TRMT61A: variants seen among roughly 807,000 people sequenced by gnomAD.
TRMT61A encodes tRNA (adenine(58)-N(1))-methyltransferase catalytic subunit TRMT61A.
In TRMT61A, 15 loss-of-function variants were observed where a neutral mutation model predicts 21.3. That is an observed-to-expected ratio of 0.70 (90% CI 0.47 to 1.08). The LOEUF is 1.08. TRMT61A is among the 50% of genes least tolerant of loss of function. The pLI, the probability that TRMT61A is intolerant of heterozygous loss-of-function variation, is 0.00. For synonymous variants in TRMT61A, 183 were observed against 185.5 expected (o/e 0.99, Z 0.11); for missense variants, 352 against 426.7 (o/e 0.83, Z 1.54).
intron 1 of TRMT61A, 50 bp from the exon 2 acceptor site, chr14:103,529,899 GC>G (rs1185631826): frequency 1.4e-6 from 2 of 1,384,708 alleles, no homozygotes; most frequent in African/African-American, 1.4e-5. Context: ...TAGACCCTAG[GC>G]CCTCATCCTG....
rs193015454 is a variant in TRMT61A at position 103,529,665 on chromosome 14, G to T, written c.-29-285G>T. The stretch of plus-strand genomic sequence containing the variant: ...ATGGGAGGGTCGGGTCCTCACTCCG[G>T]GAATCCTTGGGACCGAACTCCGCCA... On this transcript the variant is annotated intron_variant, in intron 1 of 3. Transcript: ENST00000389749. Among the ~76,000 whole-genome samples, 100 of 152,368 alleles carry T rather than the reference G, an allele frequency of 6.6e-4. 1 individual carries two copies. Among genetic ancestry groups the T allele is most frequent in the African/African-American group, 2.2e-3 (92 of 41,592 alleles).
rs746280855 is a variant in TRMT61A, at chr14:103,534,897, G to A, written c.*76G>A. ...AGGGAGGCCAGAGGCACCTTATATGGTCAGCGATGCCTGCCAGACACAGAC... is the reference window on the plus strand; with the variant it reads ...AGGGAGGCCAGAGGCACCTTATATGATCAGCGATGCCTGCCAGACACAGAC... On this transcript the variant is annotated 3_prime_UTR_variant, in exon 4 of 4. Coordinates refer to ENST00000389749, the MANE Select transcript of TRMT61A (RefSeq NM_152307.3). 5.3e-6 allele frequency: 8 copies of A among 1,513,782 alleles called. No individual in the cohort carries two copies. In the South Asian group the frequency reaches 9.6e-5, roughly 18 times the overall value. 93.8% of individuals were successfully genotyped at this position (1,513,782 alleles called of 1,614,324 possible).
At position 103,531,180 on chromosome 14, in the gene TRMT61A, C is replaced by A. The variant is rs2142238983; in HGVS notation, c.331+871C>A. Among the ~76,000 whole-genome samples, 1 of 152,286 alleles carries A rather than the reference C, an allele frequency of 6.6e-6. No individual in the cohort carries two copies. The highest frequency in any genetic ancestry group is 1.9e-4 in the East Asian group (1 of 5,186). The stretch of plus-strand genomic sequence containing the variant: ...GATATGCCAGGTCCCCTCCTAGGAA[C>A]CGTGAACTAGAGAGACCAGGTTCCT... On this transcript the variant is annotated intron_variant, in intron 2 of 3. Transcript: ENST00000389749. The surrounding 1 kb of genome is among the most constrained non-coding windows in gnomAD (Gnocchi z 5.1).
chr14:103,532,439 C>A, intron 2 of TRMT61A, 143 bp from the exon 3 acceptor site: 1 of 1,035,320 alleles, frequency 9.7e-7, no homozygotes, highest in Non-Finnish European at 1.4e-6. Flanking sequence ...ACCATACAGC[C>A]CTGGAATGAC....
chr14:103,532,905 G>A, intron 3 of TRMT61A, 57 bp downstream of exon 3: 1 of 1,494,182 alleles, frequency 6.7e-7, no homozygotes, highest in Non-Finnish European at 9.0e-7. Flanking sequence ...CAAGGGTGCA[G>A]GACTGAGCTC....
chr14:103,535,223 C>G lies in TRMT61A; in HGVS notation c.*402C>G, dbSNP rs1566966823. The G allele has an allele frequency of 2.1e-6, 1 of 472,418 alleles. No individual in the cohort carries two copies. Among genetic ancestry groups the G allele is most frequent in the Non-Finnish European group, 4.2e-6 (1 of 238,260 alleles). The allele number at this position is 472,418 out of a possible 1,614,324, so 29.3% of individuals were successfully genotyped here. ...CCACGCTGCGTCTGACCCCTGGGCC[C>G]CCACGGCCCTGGCTGCCCCACGGGG... On this transcript the variant is annotated 3_prime_UTR_variant, in exon 4 of 4. Transcript: ENST00000389749.
At position 103,535,526 on chromosome 14, in the gene TRMT61A, C is replaced by T. The variant is rs931207608; in HGVS notation, c.*705C>T. 1.1e-4 allele frequency: 38 copies of T among 352,680 alleles called. No homozygotes were observed. The highest frequency in any genetic ancestry group is 2.1e-4 in the African/African-American group (10 of 46,642). The allele number at this position is 352,680 out of a possible 1,614,324, so 21.8% of individuals were successfully genotyped here. ...GGCTGCACTCGCTGAGGCCAGGCAG[C>T]GCTGCGGAGAGGAGCGGCAGAGTGG... On this transcript the variant is annotated 3_prime_UTR_variant, in exon 4 of 4. Coordinates refer to ENST00000389749, the MANE Select transcript of TRMT61A (RefSeq NM_152307.3).
chr14:103,533,764 G>A (rs917108665), intron 3 of TRMT61A, among the ~76,000 whole-genome samples: 12 of 152,210 alleles, frequency 7.9e-5, no homozygotes, highest in African/African-American at 2.7e-4. Flanking sequence ...TCATGGGCCC[G>A]GCATCTCCTG....
At chr14:103,533,031 G>A (rs1325945667) in intron 3 of TRMT61A, among the ~76,000 whole-genome samples, 183 bp downstream of exon 3, 1 of 152,226 alleles carries the variant, frequency 6.6e-6, no homozygotes, top group Non-Finnish European at 1.5e-5. Context: ...GCAGAGCTGG[G>A]GAGGATGGTC....
rs1209242079 is a variant in TRMT61A, at chr14:103,531,170, C to G, written c.331+861C>G. Among the ~76,000 whole-genome samples the G allele has an allele frequency of 6.6e-6, 1 of 152,180 alleles. No homozygotes were observed. The highest frequency in any genetic ancestry group is 1.5e-5 in the Non-Finnish European group (1 of 68,002). ...GGCCTCCTCAGATATGCCAGGTCCC[C>G]TCCTAGGAACCGTGAACTAGAGAGA... On this transcript the variant is annotated intron_variant, in intron 2 of 3. Coordinates refer to ENST00000389749, the MANE Select transcript of TRMT61A (RefSeq NM_152307.3). The surrounding 1 kb of genome is among the most constrained non-coding windows in gnomAD (Gnocchi z 5.1).
intron 3 of TRMT61A, among the ~76,000 whole-genome samples, chr14:103,533,576 C>T (rs1208780124): frequency 6.6e-6 from 1 of 152,172 alleles, no homozygotes; most frequent in African/African-American, 2.4e-5. Flanking sequence ...TCTGGGGACA[C>T]TTCTGGGCCT....
intron 2 of TRMT61A, 108 bp downstream of exon 2, chr14:103,530,417 TTTTCACATC>T (rs2075950255): frequency 1.0e-6 from 1 of 984,624 alleles, no homozygotes; most frequent in South Asian, 1.7e-5. Context: ...TCAGTTTCTA[TTTTCACATC>T]TTTCCGGGAT....
intron 2 of TRMT61A, among the ~76,000 whole-genome samples, 170 bp from the exon 3 acceptor site, chr14:103,532,412 G>T (rs533288935): frequency 6.6e-6 from 1 of 152,292 alleles, no homozygotes; most frequent in Non-Finnish European, 1.5e-5. Flanking sequence ...GCTAGCCTGG[G>T]GCTTTAGGCA....
At chr14:103,530,453 G>C (rs2075950346) in intron 2 of TRMT61A, 144 bp downstream of exon 2, 1 of 767,332 alleles carries the variant, frequency 1.3e-6, no homozygotes, top group Non-Finnish European at 2.0e-6. Flanking sequence ...AGCAGGGAGT[G>C]AAGGTGGAGG....
In TRMT61A at chr14:103,536,510, G is replaced by A. The variant is rs1465140139; in HGVS notation, c.*1689G>A. Reference sequence around the variant, plus strand: ...AACCTTGTTACTCACCTGGGGCACAGAGGAGGGGCCCCCAGTCAGGTTCAA... The same window carrying A: ...AACCTTGTTACTCACCTGGGGCACAAAGGAGGGGCCCCCAGTCAGGTTCAA... On this transcript the variant is annotated 3_prime_UTR_variant, in exon 4 of 4. Transcript: ENST00000389749. The A allele has an allele frequency of 2.0e-5, 3 of 152,266 alleles. No individual in the cohort carries two copies. Among genetic ancestry groups the A allele is most frequent in the African/African-American group, 7.2e-5 (3 of 41,440 alleles). 9.4% of individuals were successfully genotyped at this position (152,266 alleles called of 1,614,324 possible).
chr14:103,532,980 T>A, intron 3 of TRMT61A, 132 bp downstream of exon 3: 1 of 1,293,754 alleles, frequency 7.7e-7, no homozygotes, highest in African/African-American at 1.5e-5. Context: ...AGGGCCCCAC[T>A]TTGGCCTGAG....
At chr14:103,532,952 C>A in intron 3 of TRMT61A, 104 bp downstream of exon 3, 1 of 1,414,440 alleles carries the variant, frequency 7.1e-7, no homozygotes, top group African/African-American at 1.4e-5. Context: ...CAAGCCACAC[C>A]ATGGCAGTGG....
rs978272575 is a variant in TRMT61A at position 103,534,801 on chromosome 14, G to A, written c.850G>A (p.Ala284Thr). ...GGGCCACACCGGCTACCTGACCTTC[G>A]CCACCAAGACCCCAGGCTAGGGGGC... Reference protein sequence around the residue: ...AVGHTGYLTFATKTPG With the variant: ...AVGHTGYLTFTTKTPG The change falls in exon 4 of 4, where the codon GCC becomes ACC. Residue 284 changes from alanine to threonine, a missense_variant. By Grantham distance (58) the Ala-to-Thr change is moderately conservative (BLOSUM62 0). Coordinates refer to ENST00000389749, the MANE Select transcript of TRMT61A (RefSeq NM_152307.3). 5.8e-6 allele frequency: 9 copies of A among 1,554,866 alleles called. No individual in the cohort carries two copies. The highest frequency in any genetic ancestry group is 1.7e-4 in the Middle Eastern group (1 of 5,992).
rs986377110 is a variant in TRMT61A at position 103,531,545 on chromosome 14, G to T, written c.332-1037G>T. 6.6e-6 allele frequency among the ~76,000 whole-genome samples: 1 copy of T among 152,106 alleles called. No individual in the cohort carries two copies. Among genetic ancestry groups the T allele is most frequent in the Non-Finnish European group, 1.5e-5 (1 of 68,008 alleles). On this transcript the variant is annotated intron_variant, in intron 2 of 3. Transcript: ENST00000389749. This position sits in a 1 kb window ranked among gnomAD's most constrained non-coding sequence, Gnocchi z 5.1. The stretch of plus-strand genomic sequence containing the variant: ...CCCCGGAGGCTAACAAGTCTGACTT[G>T]CCCCTTAGTGGGAAGGGGGCATGGC...
Sources: gnomAD v4.1 joint callset for allele counts (sites outside exome capture counted in the v4.1 genomes callset) on GRCh38, gnomAD v4.1.1 for gene constraint, Gnocchi (gnomAD v3.1) non-coding constraint, MANE v1.5 for transcripts, NCBI Gene and HGNC (gene_info 2026-07-23, HGNC 2026-07-21) for gene names.